Variants in KRT8 observed in about 807,000 individuals in gnomAD.
KRT8 encodes keratin 8.
Under a neutral mutation model 43.0 loss-of-function variants are expected in KRT8, and 24 were observed. The ratio of observed to expected loss-of-function variants is 0.56; its 90% CI spans 0.40 to 0.78. The LOEUF (loss-of-function observed/expected upper bound fraction) is 0.78. Among genes scored for constraint, KRT8 ranks in the 30% least tolerant of loss-of-function variants. The pLI is 0.00. For synonymous variants in KRT8, 214 were observed against 261.2 expected, an observed-to-expected ratio of 0.82 and a Z score of 1.74; for missense variants, 492 against 638.4, an observed-to-expected ratio of 0.77 and a Z score of 2.47.
intron 2 of KRT8, among the ~76,000 whole-genome samples, chr12:52,939,843 T>C (rs1310611018): frequency 6.6e-6 from 1 of 152,080 alleles, no homozygotes; most frequent in Non-Finnish European, 1.5e-5. Context: ...CCCAGCACTT[T>C]GGAAGACCAA....
At chr12:52,921,112 A>T (rs1281597294) in intron 2 of KRT8, among the ~76,000 whole-genome samples, 1 of 152,218 alleles carries the variant, frequency 6.6e-6, no homozygotes, top group Non-Finnish European at 1.5e-5. Context: ...AGGCCAGCCC[A>T]GGCCAGCTTA....
intron 2 of KRT8, among the ~76,000 whole-genome samples, chr12:52,927,365 C>G (rs779506911): frequency 2.0e-5 from 3 of 152,190 alleles, no homozygotes; most frequent in African/African-American, 7.2e-5. Context: ...GACTCACCAC[C>G]CTTGGGCCTC....
chr12:52,898,620 TC>T, intron 6 of KRT8, 58 bp downstream of exon 6: 1 of 1,613,112 alleles, frequency 6.2e-7, no homozygotes, highest in Non-Finnish European at 8.5e-7. Context: ...GCTCCCACCG[TC>T]CCCACCCCAG....
upstream of KRT8, chr12:52,905,145 C>A: frequency 4.4e-6 from 6 of 1,356,172 alleles, no homozygotes; most frequent in Non-Finnish European, 5.8e-6. Context: ...AGTGGCTAGG[C>A]CCAGAGGGGG....
Position 52,926,501 on chromosome 12 carries a change from G to C in KRT8, c.-46-21474C>G, listed in dbSNP as rs1344305705. On this transcript the variant is annotated intron_variant, in intron 2 of 6. Transcript: ENST00000546826. ...CATGCATCAGGCACCTCCCCACAAA[G>C]CCTGCCCCAGTCACCTCTGCCGGAA... 3.9e-6 allele frequency: 6 copies of C among 1,522,662 alleles called. No homozygotes were observed. The Admixed American group carries it at 1.2e-4, about 30-fold the overall frequency. 94.3% of individuals were successfully genotyped at this position (1,522,662 alleles called of 1,614,324 possible). A position where few individuals can be genotyped will look rare whatever the true frequency, so the allele number is the denominator to read the frequency against.
At chr12:52,913,221 C>T (rs565361840) in intron 2 of KRT8, among the ~76,000 whole-genome samples, 75 of 152,164 alleles carry the variant, frequency 4.9e-4, no homozygotes, top group Non-Finnish European at 8.4e-4. Flanking sequence ...GCCCTGCCCA[C>T]CCCATCCCCA....
chr12:52,905,076 T>C, exon 1 of KRT8: 1 of 1,493,272 alleles, frequency 6.7e-7, no homozygotes, highest in Non-Finnish European at 8.9e-7. Flanking sequence ...CTCTCAGGAA[T>C]GGCCTTTTAT....
intron 2 of KRT8, among the ~76,000 whole-genome samples, chr12:52,941,329 C>T (rs1942264305): frequency 6.6e-6 from 1 of 152,026 alleles, no homozygotes; most frequent in Non-Finnish European, 1.5e-5. Flanking sequence ...TTGAAACCTC[C>T]AATTAGGGAT....
chr12:52,921,197 C>T (rs951916965), intron 2 of KRT8, among the ~76,000 whole-genome samples: 6 of 152,208 alleles, frequency 3.9e-5, no homozygotes, highest in African/African-American at 1.4e-4. Context: ...TACAGAACTC[C>T]AGGCAGAGGC....
At chr12:52,936,911 A>G (rs1363407135) in intron 2 of KRT8, among the ~76,000 whole-genome samples, 5 of 152,222 alleles carry the variant, frequency 3.3e-5, no homozygotes, top group Non-Finnish European at 7.3e-5. Context: ...TTCAAAAGAC[A>G]TTAAGAGAAT....
intron 2 of KRT8, among the ~76,000 whole-genome samples, chr12:52,933,047 G>A (rs894167273): frequency 6.6e-5 from 10 of 152,246 alleles, no homozygotes; most frequent in Middle Eastern, 6.8e-3. Context: ...AGGTTCAAGG[G>A]ATTCTCCTGC....
At chr12:52,939,858 G>A (rs1007306176) in intron 2 of KRT8, among the ~76,000 whole-genome samples, 2 of 152,064 alleles carry the variant, frequency 1.3e-5, no homozygotes, top group African/African-American at 4.8e-5. Flanking sequence ...GACCAAGGTG[G>A]GAGGATCACT....
intron 2 of KRT8, among the ~76,000 whole-genome samples, chr12:52,940,328 G>A (rs1352658048): frequency 6.6e-6 from 1 of 151,558 alleles, no homozygotes; most frequent in Non-Finnish European, 1.5e-5. Flanking sequence ...AGCTACTCGG[G>A]AGGCTAAGGC....
At chr12:52,922,986 C>G (rs1444472361) in intron 2 of KRT8, among the ~76,000 whole-genome samples, 1 of 152,102 alleles carries the variant, frequency 6.6e-6, no homozygotes, top group Non-Finnish European at 1.5e-5. Flanking sequence ...AGGAGCTTCC[C>G]CGCTGATCTG....
At chr12:52,904,877 G>A (rs1941474912) in exon 1 of KRT8, 1 of 1,612,890 alleles carries the variant, frequency 6.2e-7, no homozygotes, top group East Asian at 2.2e-5. Flanking sequence ...AGAAGCTCGA[G>A]GAGCTGATGC....
chr12:52,935,333 C>T (rs1232231021), intron 2 of KRT8, among the ~76,000 whole-genome samples: 10 of 130,490 alleles, frequency 7.7e-5, no homozygotes, highest in African/African-American at 2.9e-4. Context: ...GAGTCGAGAT[C>T]GTGCCATTGC....
chr12:52,934,226 C>G (rs535474424), intron 2 of KRT8, among the ~76,000 whole-genome samples: 1 of 150,398 alleles, frequency 6.6e-6, no homozygotes, highest in African/African-American at 2.4e-5. Flanking sequence ...GAAACTTCAT[C>G]TCAGAAAAGG....
At chr12:52,926,594 G>A in intron 2 of KRT8, 1 of 733,842 alleles carries the variant, frequency 1.4e-6, no homozygotes, top group Non-Finnish European at 2.3e-6. Context: ...TACACTTGCT[G>A]TGGGCATGTC....
chr12:52,908,987 G>A (rs569007082), upstream of KRT8, among the ~76,000 whole-genome samples: 60 of 152,278 alleles, frequency 3.9e-4, 1 homozygote, highest in African/African-American at 1.4e-3. Flanking sequence ...TCTAGCCTGC[G>A]TGGGAGACAG....
Sources: allele counts gnomAD v4.1 joint callset (sites outside exome capture counted in the v4.1 genomes callset), GRCh38; gene constraint gnomAD v4.1.1; transcripts MANE v1.5; gene names NCBI Gene and HGNC (gene_info 2026-07-23, HGNC 2026-07-21).